Variants in DLGAP2 observed in about 807,000 individuals in gnomAD.
DLGAP2 encodes DLG associated protein 2, also known as disks large-associated protein 2.
A neutral mutation model predicts 100.3 loss-of-function variants in DLGAP2; 26 were observed. The ratio of observed to expected loss-of-function variants is 0.26; its 90% CI spans 0.19 to 0.36. The LOEUF (loss-of-function observed/expected upper bound fraction) is 0.36, where lower values mean the gene tolerates loss of function less well. Ranked by LOEUF, DLGAP2 falls within the 10% of genes least tolerant of loss-of-function variation. The probability of loss-of-function intolerance (pLI) is 1.00; values close to 1 mark genes in which losing one functional copy is unlikely to be tolerated. For missense variants in DLGAP2, 1,858 were observed against 1,453.2 expected (o/e 1.28, Z -4.53); for synonymous variants, 886 against 630.1 (o/e 1.41, Z -6.08).
intron 1 of DLGAP2, among the ~76,000 whole-genome samples, chr8:743,687 C>T (rs1168010942): frequency 1.3e-5 from 2 of 152,188 alleles, no homozygotes; most frequent in African/African-American, 4.8e-5. Context: ...CCTCAGCCTC[C>T]CGAGTAGCTG....
intron 6 of DLGAP2, among the ~76,000 whole-genome samples, chr8:1,583,964 T>C (rs1393420833): frequency 1.3e-5 from 2 of 152,080 alleles, no homozygotes; most frequent in Non-Finnish European, 2.9e-5. Context: ...CATGCCCAGC[T>C]CTGATTGCCT....
intron 2 of DLGAP2, 89 bp from the exon 3 acceptor site, chr8:1,258,762 G>T: frequency 8.9e-7 from 1 of 1,117,412 alleles, no homozygotes; most frequent in Non-Finnish European, 1.1e-6. Flanking sequence ...TCTTAAAGTT[G>T]TAGTTTTGTT....
intron 2 of DLGAP2, among the ~76,000 whole-genome samples, chr8:1,169,375 G>T (rs80311339): frequency 2.0e-5 from 3 of 151,824 alleles, no homozygotes; most frequent in Admixed American, 6.6e-5. Context: ...GCTCTTTCTT[G>T]GTTCCATATG....
At chr8:759,128 A>AAC (rs1821000942) in intron 1 of DLGAP2, among the ~76,000 whole-genome samples, 3 of 59,510 alleles carry the variant, frequency 5.0e-5, no homozygotes, top group African/African-American at 1.3e-4. Flanking sequence ...CATTATCAAT[A>AAC]CCCCTGACAG....
chr8:1,648,953 T>C (rs886902818), intron 8 of DLGAP2, among the ~76,000 whole-genome samples: 2 of 152,136 alleles, frequency 1.3e-5, no homozygotes, highest in African/African-American at 4.8e-5. Flanking sequence ...GCAACGTGAG[T>C]GGAGTGCAGG....
At chr8:1,326,662 C>G (rs1306917775) in intron 3 of DLGAP2, among the ~76,000 whole-genome samples, 1 of 152,196 alleles carries the variant, frequency 6.6e-6, no homozygotes, top group African/African-American at 2.4e-5. Flanking sequence ...TAGTCTTGGT[C>G]TGGGCTTGTC....
chr8:1,358,201 C>A (rs751797699), intron 3 of DLGAP2, among the ~76,000 whole-genome samples: 3 of 152,132 alleles, frequency 2.0e-5, no homozygotes, highest in Non-Finnish European at 4.4e-5. Flanking sequence ...AGGATGTGGA[C>A]GCACAAAGGA....
rs4524825 is a variant in DLGAP2, at chr8:1,462,529, T to C, written c.107-38837T>C. On this transcript the variant is annotated intron_variant, in intron 3 of 14. Transcript: ENST00000637795. ...CGTGGGCTGGGTGCAGTCGCTGATT[T>C]GGTGGCCAGGAGGAGGGAGAAGGGC... 4.4e-3 allele frequency among the ~76,000 whole-genome samples: 192 copies of C among 44,068 alleles called. 13 individuals carry two copies. In the East Asian group the frequency reaches 0.058, roughly 13 times the overall value. 28.9% of individuals were successfully genotyped at this position (44,068 alleles called of 152,430 possible).
intron 5 of DLGAP2, among the ~76,000 whole-genome samples, chr8:1,557,384 T>A (rs948546600): frequency 2.6e-5 from 4 of 152,126 alleles, no homozygotes; most frequent in Non-Finnish European, 4.4e-5. Flanking sequence ...GAGATGGACG[T>A]GCCGATGGCC....
At chr8:1,412,359 C>G (rs1796754718) in intron 3 of DLGAP2, among the ~76,000 whole-genome samples, 1 of 152,200 alleles carries the variant, frequency 6.6e-6, no homozygotes, top group Non-Finnish European at 1.5e-5. Flanking sequence ...CTTTCTCCTC[C>G]ATCTCTCTTA....
chr8:797,168 G>T (rs556905885), intron 1 of DLGAP2, among the ~76,000 whole-genome samples: 1 of 152,132 alleles, frequency 6.6e-6, no homozygotes, highest in Non-Finnish European at 1.5e-5. Context: ...CACCCAAGAA[G>T]AAGACGTCCC....
chr8:1,478,184 C>A (rs144811996), intron 3 of DLGAP2, among the ~76,000 whole-genome samples: 195 of 152,224 alleles, frequency 1.3e-3, no homozygotes, highest in African/African-American at 4.6e-3. Flanking sequence ...TTCATCTTAC[C>A]CATGAGCCTG....
chr8:1,469,399 C>G (rs1187254166), intron 3 of DLGAP2, among the ~76,000 whole-genome samples: 2 of 152,246 alleles, frequency 1.3e-5, no homozygotes, highest in Non-Finnish European at 2.9e-5. Flanking sequence ...TGGCCACCAT[C>G]TCCTCAGGAG....
At chr8:1,411,943 C>T (rs765960832) in intron 3 of DLGAP2, among the ~76,000 whole-genome samples, 10 of 152,292 alleles carry the variant, frequency 6.6e-5, no homozygotes, top group South Asian at 2.1e-4. Flanking sequence ...CCAGTATCCT[C>T]CACGTTCAGA....
At chr8:1,189,364 C>T (rs1387969131) in intron 2 of DLGAP2, among the ~76,000 whole-genome samples, 3 of 152,226 alleles carry the variant, frequency 2.0e-5, no homozygotes, top group Non-Finnish European at 4.4e-5. Flanking sequence ...GATAGGTCAA[C>T]CTGGTCCCTA....
At chr8:1,091,555 G>A (rs113536508) in intron 2 of DLGAP2, among the ~76,000 whole-genome samples, 3,550 of 152,336 alleles carry the variant, frequency 0.023, 77 homozygotes, top group Non-Finnish European at 0.034. Flanking sequence ...GCACACACCT[G>A]TAGTGCTTTT....
intron 4 of DLGAP2, among the ~76,000 whole-genome samples, chr8:1,521,069 G>A (rs1229893560): frequency 6.6e-6 from 1 of 152,102 alleles, no homozygotes; most frequent in Non-Finnish European, 1.5e-5. Flanking sequence ...GTGGTGTCTT[G>A]TTGTTGTTTT....
chr8:1,285,518 A>G lies in DLGAP2; in HGVS notation c.106+26635A>G, dbSNP rs558446946. On this transcript the variant is annotated intron_variant, in intron 3 of 14. Transcript: ENST00000637795. ...GGATTCTGTTGTGCAGGTATCTGGTATCTGGGGCTGTGGAATAATAATAGT... is the reference window on the plus strand; with the variant it reads ...GGATTCTGTTGTGCAGGTATCTGGTGTCTGGGGCTGTGGAATAATAATAGT... Among the ~76,000 whole-genome samples the G allele has an allele frequency of 4.6e-5, 7 of 152,328 alleles. No individual in the cohort carries two copies. The East Asian group carries it at 5.8e-4, about 13-fold the overall frequency.
chr8:1,377,596 A>G (rs1028531892), intron 3 of DLGAP2, among the ~76,000 whole-genome samples: 4 of 152,218 alleles, frequency 2.6e-5, no homozygotes, highest in African/African-American at 9.6e-5. Context: ...ATCCCAGGAA[A>G]GGTGAAGCTG....
Sources: gnomAD v4.1 joint callset for allele counts (sites outside exome capture counted in the v4.1 genomes callset) on GRCh38, gnomAD v4.1.1 for gene constraint, MANE v1.5 for transcripts, NCBI Gene and HGNC (gene_info 2026-07-23, HGNC 2026-07-21) for gene names.